PTPRQ: variants seen among roughly 807,000 people sequenced by gnomAD.
The protein encoded by PTPRQ is phosphatidylinositol phosphatase PTPRQ.
PTPRQ carries 199 observed loss-of-function variants against 246.0 expected under a neutral mutation model. The observed-to-expected ratio is 0.81, with a 90% CI of 0.72 to 0.91. The LOEUF (loss-of-function observed/expected upper bound fraction) is 0.91. PTPRQ is among the 40% of genes least tolerant of loss of function. The pLI, the probability that PTPRQ is intolerant of heterozygous loss-of-function variation, is 0.00. For missense variants in PTPRQ, 2,624 were observed against 2,528.4 expected, an observed-to-expected ratio of 1.04 and a Z score of -0.81; for synonymous variants, 869 against 853.2, an observed-to-expected ratio of 1.02 and a Z score of -0.32.
intron 17 of PTPRQ, among the ~76,000 whole-genome samples, chr12:80,515,151 T>G (rs1021282460): frequency 2.6e-5 from 4 of 151,988 alleles, no homozygotes; most frequent in African/African-American, 9.7e-5. Context: ...TAATCTTTTT[T>G]GGGGACTCTT....
chr12:80,654,019 T>C (rs28444073), intron 38 of PTPRQ, among the ~76,000 whole-genome samples: 3,936 of 151,822 alleles, frequency 0.026, 161 homozygotes, highest in African/African-American at 0.09. Context: ...TTCTTTCTTT[T>C]TTTCTTTCTT....
At chr12:80,585,843 A>C in intron 25 of PTPRQ, among the ~76,000 whole-genome samples, 2 of 146,586 alleles carry the variant, frequency 1.4e-5, no homozygotes, top group Non-Finnish European at 3.0e-5. Context: ...CTAACTCGTC[A>C]TCTAGCATTA....
chr12:80,663,482 C>T (rs1461002477), intron 39 of PTPRQ, among the ~76,000 whole-genome samples: 1 of 151,866 alleles, frequency 6.6e-6, no homozygotes, highest in East Asian at 1.9e-4. Flanking sequence ...TTCTCTATCC[C>T]TCTGCCCTAA....
At position 80,616,252 on chromosome 12, in the gene PTPRQ, C is replaced by A; in HGVS notation, c.5216C>A (p.Thr1739Asn). Residue 1739 changes from threonine (T) to asparagine (N), a missense_variant, in exon 30 of 45, where the codon ACC becomes AAC. Thr to Asn is a moderately conservative substitution (Grantham distance 65, BLOSUM62 0). Coordinates refer to ENST00000644991, the MANE Select transcript of PTPRQ (RefSeq NM_001145026.2). ...GGTCCAAAGGTTCCGATGAGAATAA[C>A]CATGGATATCAAAGGTACATACATG... ...GAGPKVPMRI[T>N]MDIKAPARPK... The A allele has an allele frequency of 1.3e-6, 2 of 1,489,166 alleles. No homozygotes were observed. Among genetic ancestry groups the A allele is most frequent in the South Asian group, 2.7e-5 (2 of 73,922 alleles). 92.2% of individuals were successfully genotyped at this position (1,489,166 alleles called of 1,614,324 possible). A position where few individuals can be genotyped will look rare whatever the true frequency, so the allele number is the denominator to read the frequency against.
intron 25 of PTPRQ, among the ~76,000 whole-genome samples, chr12:80,568,654 A>T (rs1897049790): frequency 6.6e-6 from 1 of 152,190 alleles, no homozygotes; most frequent in Non-Finnish European, 1.5e-5. Context: ...CAGCACTCTC[A>T]CTTTTGTTGC....
At chr12:80,611,415 AT>A (rs1302156964) in intron 28 of PTPRQ, among the ~76,000 whole-genome samples, 1 of 150,268 alleles carries the variant, frequency 6.7e-6, no homozygotes, top group Non-Finnish European at 1.5e-5. Context: ...GTTACATTAT[AT>A]TCTCTATGCA....
rs116944516 is a variant in PTPRQ, at chr12:80,633,048, C to A, written c.5786+757C>A. ...TGCCTCTCAGGGTCACTCTAGTGCC[C>A]TCTATTGACAAAGCCTCACTTTCGG... is the stretch of plus-strand genomic sequence containing the variant. On this transcript the variant is annotated intron_variant, in intron 34 of 44. Coordinates refer to ENST00000644991, the MANE Select transcript of PTPRQ (RefSeq NM_001145026.2). 5.9e-3 allele frequency among the ~76,000 whole-genome samples: 901 copies of A among 152,186 alleles called. 4 individuals are homozygous for A. The highest frequency in any genetic ancestry group is 0.011 in the Non-Finnish European group (738 of 68,016).
chr12:80,673,023 A>G (rs916577768), intron 42 of PTPRQ, 146 bp from the exon 43 acceptor site: 3 of 1,205,494 alleles, frequency 2.5e-6, no homozygotes, highest in Non-Finnish European at 3.3e-6. Context: ...ACCATAAAAA[A>G]TCCAAAGACA....
chr12:80,458,668 A>T (rs141672025), intron 4 of PTPRQ, among the ~76,000 whole-genome samples: 8 of 152,140 alleles, frequency 5.3e-5, no homozygotes, highest in African/African-American at 1.7e-4. Flanking sequence ...CATGAGGTTA[A>T]TGGGAATAAT....
intron 25 of PTPRQ, among the ~76,000 whole-genome samples, chr12:80,568,534 G>A (rs991518490): frequency 4.6e-5 from 7 of 152,172 alleles, no homozygotes; most frequent in African/African-American, 1.7e-4. Context: ...TTTGTCTTCA[G>A]TAAGTTGTCT....
At chr12:80,653,099 T>A (rs1446883821) in intron 38 of PTPRQ, among the ~76,000 whole-genome samples, 1 of 152,138 alleles carries the variant, frequency 6.6e-6, no homozygotes. Context: ...GCTTTGTAAT[T>A]AAACCCAAGT....
chr12:80,504,442 C>T (rs1000764402), intron 14 of PTPRQ, among the ~76,000 whole-genome samples: 1 of 151,742 alleles, frequency 6.6e-6, no homozygotes, highest in Non-Finnish European at 1.5e-5. Flanking sequence ...TCTTGAAACA[C>T]ATTAAACATT....
chr12:80,499,766 C>CTG (rs150219133), intron 14 of PTPRQ, among the ~76,000 whole-genome samples: 81 of 150,474 alleles, frequency 5.4e-4, no homozygotes, highest in Non-Finnish European at 7.9e-4. Context: ...AAGATTGATT[C>CTG]TGTGTGTGTG....
chr12:80,458,502 T>G (rs1326923973), intron 4 of PTPRQ, among the ~76,000 whole-genome samples: 1 of 152,092 alleles, frequency 6.6e-6, no homozygotes, highest in African/African-American at 2.4e-5. Flanking sequence ...CTCTAGTTAT[T>G]TGGCATCTTA....
At chr12:80,608,480 T>G (rs1446919380) in intron 27 of PTPRQ, among the ~76,000 whole-genome samples, 1 of 149,634 alleles carries the variant, frequency 6.7e-6, no homozygotes, top group Admixed American at 6.7e-5. Context: ...AATATATGCG[T>G]GCCATGTCAT....
At chr12:80,477,810 C>T (rs994376340) in intron 8 of PTPRQ, among the ~76,000 whole-genome samples, 1 of 152,182 alleles carries the variant, frequency 6.6e-6, no homozygotes, top group African/African-American at 2.4e-5. Flanking sequence ...CCGAATACTG[C>T]GCTTTTCTGA....
chr12:80,554,019 A>G (rs1896566808), intron 25 of PTPRQ, among the ~76,000 whole-genome samples: 1 of 151,634 alleles, frequency 6.6e-6, no homozygotes. Context: ...AAACAATTGA[A>G]CTCATGGAGA....
intron 6 of PTPRQ, among the ~76,000 whole-genome samples, chr12:80,463,160 A>G (rs898486754): frequency 3.3e-5 from 5 of 152,236 alleles, no homozygotes; most frequent in African/African-American, 1.2e-4. Context: ...ACCAATACAG[A>G]GAAGTGCTTA....
chr12:80,615,006 C>T (rs544025083), intron 29 of PTPRQ, among the ~76,000 whole-genome samples: 1 of 151,000 alleles, frequency 6.6e-6, no homozygotes, highest in South Asian at 2.1e-4. Flanking sequence ...ATAACTTTAG[C>T]ACCTGTATTG....
Sources: gnomAD v4.1 joint callset for allele counts (sites outside exome capture counted in the v4.1 genomes callset) on GRCh38, gnomAD v4.1.1 for gene constraint, MANE v1.5 for transcripts, NCBI Gene and HGNC (gene_info 2026-07-23, HGNC 2026-07-21) for gene names.